Variants in SNF8 observed in about 807,000 individuals in gnomAD.
SNF8 encodes vacuolar-sorting protein SNF8.
SNF8 carries 19 observed loss-of-function variants against 36.8 expected under a neutral mutation model. That is an observed-to-expected ratio of 0.52 (90% CI 0.36 to 0.76). The LOEUF (loss-of-function observed/expected upper bound fraction) is 0.76. SNF8 is among the 30% of genes least tolerant of loss of function. The pLI, the probability that SNF8 is intolerant of heterozygous loss-of-function variation, is 0.00. For missense variants in SNF8, 268 were observed against 322.9 expected, an observed-to-expected ratio of 0.83 and a Z score of 1.30; for synonymous variants, 127 against 127.4, an observed-to-expected ratio of 1.00 and a Z score of 0.02.
rs755759210 is a variant in SNF8, at chr17:48,931,664, G to T, written c.618C>A (p.Thr206=). ...SEIKASLKWE[T]ERARQVLEHL... is the part of the protein sequence containing the mutation. ...ATACCAGCACTTGCCGCGCTCGCTC[G>T]GTCTCCCATTTAAGACTGGCTTTGA... Residue 206 remains threonine (T), a synonymous_variant, in exon 7 of 8, where the codon ACC becomes ACA. Transcript: ENST00000502492. The T allele has an allele frequency of 6.2e-7, 1 of 1,613,228 alleles. No homozygotes were observed. Among genetic ancestry groups the T allele is most frequent in the Non-Finnish European group, 8.5e-7 (1 of 1,179,622 alleles).
chr17:48,934,465 C>T, intron 5 of SNF8: 1 of 219,120 alleles, frequency 4.6e-6, no homozygotes, highest in Non-Finnish European at 9.4e-6. Context: ...TAGCAGGGCG[C>T]CAGTGGCAGG....
In SNF8 at chr17:48,944,619, C is replaced by T. The variant is rs200148743; in HGVS notation, c.54+62G>A. On this transcript the variant is annotated intron_variant, in intron 1 of 7. Coordinates refer to ENST00000502492, the MANE Select transcript of SNF8 (RefSeq NM_007241.4). Reference sequence around the variant, plus strand: ...GTGATTAACGGGTAGGACACTGCTCCGGGACAATTCAGTCTCGCACGGGTC... The same window carrying T: ...GTGATTAACGGGTAGGACACTGCTCTGGGACAATTCAGTCTCGCACGGGTC... The T allele has an allele frequency of 2.7e-5, 42 of 1,557,744 alleles. 1 individual carries two copies. In the South Asian group the frequency reaches 3.6e-4, roughly 13 times the overall value.
intron 5 of SNF8, 146 bp downstream of exon 5, chr17:48,936,024 G>GTTTTGT (rs1555583172): frequency 3.3e-6 from 2 of 603,728 alleles, no homozygotes; most frequent in East Asian, 3.0e-5. Context: ...TTTTTTGTTT[G>GTTTTGT]TTTTTTGTTT....
At chr17:48,938,612 G>A (rs907542415) in intron 3 of SNF8, among the ~76,000 whole-genome samples, 1 of 152,148 alleles carries the variant, frequency 6.6e-6, no homozygotes, top group African/African-American at 2.4e-5. Context: ...GCTCACGCCT[G>A]TAATCCCAGC....
intron 5 of SNF8, 160 bp from the exon 6 acceptor site, chr17:48,933,506 C>G: frequency 1.3e-6 from 1 of 758,492 alleles, no homozygotes. Flanking sequence ...TTTGGGATGC[C>G]CACATTGAGA....
Position 48,931,660 on chromosome 17 carries a change from G to C in SNF8, c.622C>G (p.Arg208Gly). Residue 208 changes from arginine to glycine, a missense_variant, in exon 7 of 8, where the codon CGA becomes GGA. Physicochemically the swap from Arg to Gly is moderately radical, Grantham distance 125. Transcript: ENST00000502492. ...IKASLKWETE[R>G]ARQVLEHLLK... ...TTGCATACCAGCACTTGCCGCGCTC[G>C]CTCGGTCTCCCATTTAAGACTGGCT... The C allele has an allele frequency of 6.2e-7, 1 of 1,613,068 alleles. No homozygotes were observed. Among genetic ancestry groups the C allele is most frequent in the Non-Finnish European group, 8.5e-7 (1 of 1,179,516 alleles).
Position 48,930,558 on chromosome 17 carries a change from C to T in SNF8, c.694G>A (p.Ala232Thr), listed in dbSNP as rs779295248. 20 of 1,613,642 alleles carry T rather than the reference C, an allele frequency of 1.2e-5. No individual in the cohort carries two copies. The highest frequency in any genetic ancestry group is 1.8e-4 in the Middle Eastern group (1 of 5,698). Residue 232 changes from alanine (A) to threonine (T), a missense_variant, in exon 8 of 8, where the codon GCC (alanine) becomes ACC (threonine). Coordinates refer to ENST00000502492, the MANE Select transcript of SNF8 (RefSeq NM_007241.4). Reference protein sequence around the residue: ...AWLDLQAPGEAHYWLPALFTD... With the variant: ...AWLDLQAPGETHYWLPALFTD... Reference sequence around the variant, plus strand: ...AAGAGAGCTGGCAGCCAGTAGTGGGCCTCCCCTGGGGCCTGTAAGTCCAGC... The same window carrying T: ...AAGAGAGCTGGCAGCCAGTAGTGGGTCTCCCCTGGGGCCTGTAAGTCCAGC...
Position 48,930,372 on chromosome 17 carries a change from A to T in SNF8, c.*103T>A. On this transcript the variant is annotated 3_prime_UTR_variant, in exon 8 of 8. Transcript: ENST00000502492. ...TAAAAGAATGAGGGAAGAAAGAAAA[A>T]CTTGGAACTTTTTTTCTATTTTTTG... The T allele has an allele frequency of 7.8e-7, 1 of 1,279,532 alleles. No individual in the cohort carries two copies. 79.3% of individuals were successfully genotyped at this position (1,279,532 alleles called of 1,614,324 possible).
rs2040827339 is a variant in SNF8, at chr17:48,929,612, G to A, written c.*863C>T. On this transcript the variant is annotated 3_prime_UTR_variant, in exon 8 of 8. Coordinates refer to ENST00000502492, the MANE Select transcript of SNF8 (RefSeq NM_007241.4). ...GTGTGTAGAAAAATGTCTACACACAGTATGTGCTGCCATTCTGTACTATGC... is the reference window on the plus strand; with the variant it reads ...GTGTGTAGAAAAATGTCTACACACAATATGTGCTGCCATTCTGTACTATGC... 1 of 152,152 alleles carries A rather than the reference G, an allele frequency of 6.6e-6. No individual in the cohort carries two copies. The highest frequency in any genetic ancestry group is 2.1e-4 in the South Asian group (1 of 4,832). The allele number at this position is 152,152 out of a possible 1,614,324, so 9.4% of individuals were successfully genotyped here. A position where few individuals can be genotyped will look rare whatever the true frequency, so the allele number is the denominator to read the frequency against.
At chr17:48,931,341 A>T (rs1444257331) in intron 7 of SNF8, among the ~76,000 whole-genome samples, 1 of 152,240 alleles carries the variant, frequency 6.6e-6, no homozygotes, top group Non-Finnish European at 1.5e-5. Flanking sequence ...TTCCAGTACA[A>T]ACTACATTAA....
chr17:48,943,380 G>C (rs1252859810), intron 2 of SNF8, among the ~76,000 whole-genome samples: 1 of 152,176 alleles, frequency 6.6e-6, no homozygotes, highest in Non-Finnish European at 1.5e-5. Context: ...GGAAGCCAAG[G>C]TGGGCGGATC....
chr17:48,938,123 T>G (rs889356137), intron 3 of SNF8, among the ~76,000 whole-genome samples: 1 of 152,000 alleles, frequency 6.6e-6, no homozygotes, highest in Non-Finnish European at 1.5e-5. Context: ...AAAAATCCAC[T>G]GAATGTTCTG....
rs1191272540 is a variant in SNF8 at position 48,930,530 on chromosome 17, G to A, written c.722C>T (p.Thr241Ile). 14 of 1,612,814 alleles carry A rather than the reference G, an allele frequency of 8.7e-6. No individual in the cohort carries two copies. Among genetic ancestry groups the A allele is most frequent in the Non-Finnish European group, 1.2e-5 (14 of 1,179,932 alleles). ...TGTAATCTCCTGGGAGTAGAGGTCA[G>A]TGAAGAGAGCTGGCAGCCAGTAGTG... is the stretch of plus-strand genomic sequence containing the variant. ...EAHYWLPALFTDLYSQEITAE... is the reference protein window; with the variant it reads ...EAHYWLPALFIDLYSQEITAE... Residue 241 changes from threonine (T) to isoleucine (I), a missense_variant, in exon 8 of 8, where the codon ACT (threonine) becomes ATT (isoleucine). Physicochemically the swap from Thr to Ile is moderately conservative, Grantham distance 89 (BLOSUM62 -1). Coordinates refer to ENST00000502492, the MANE Select transcript of SNF8 (RefSeq NM_007241.4).
rs2041066575 is a variant in SNF8 at position 48,943,914 on chromosome 17, A to T, written c.105+11T>A. 6.2e-7 allele frequency: 1 copy of T among 1,613,868 alleles called. No homozygotes were observed. The highest frequency in any genetic ancestry group is 2.2e-5 in the East Asian group (1 of 44,880). ...TCTCCCTCCCTGCCTGGGGCCCCCC[A>T]ACCGACTTACCTGGGCTAGCTGGTC... On this transcript the variant is annotated intron_variant, in intron 2 of 7. Transcript: ENST00000502492.
In SNF8 at chr17:48,937,140, A is replaced by G. The variant is rs754748926; in HGVS notation, c.245-16T>C. On this transcript the variant is annotated splice_polypyrimidine_tract_variant and intron_variant, in intron 3 of 7. Coordinates refer to ENST00000502492, the MANE Select transcript of SNF8 (RefSeq NM_007241.4). ...CCTTTTCCAGCTACAAGACAGAAAA[A>G]CAAAATCTCGGTTATTGATTAATTT... is the stretch of plus-strand genomic sequence containing the variant. The G allele has an allele frequency of 2.5e-6, 4 of 1,574,848 alleles. No individual in the cohort carries two copies. The African/African-American group carries it at 4.0e-5, about 16-fold the overall frequency.
At position 48,937,570 on chromosome 17, in the gene SNF8, C is replaced by T. The variant is rs548282404; in HGVS notation, c.245-446G>A. Among the ~76,000 whole-genome samples the T allele has an allele frequency of 4.0e-5, 6 of 150,348 alleles. No homozygotes were observed. In the South Asian group the frequency reaches 1.3e-3, roughly 31 times the overall value. On this transcript the variant is annotated intron_variant, in intron 3 of 7. Transcript: ENST00000502492. Reference sequence around the variant, plus strand: ...GCTGGAACCCAGGAGGCAGAAGTTGCAGTGAGCCAAGATCGCGCCACCATA... The same window carrying T: ...GCTGGAACCCAGGAGGCAGAAGTTGTAGTGAGCCAAGATCGCGCCACCATA...
intron 5 of SNF8, among the ~76,000 whole-genome samples, chr17:48,933,896 G>C (rs2040897126): frequency 6.6e-6 from 1 of 152,220 alleles, no homozygotes; most frequent in Non-Finnish European, 1.5e-5. Flanking sequence ...AGATACACCT[G>C]CAGATGCCCA....
chr17:48,933,115 G>C, intron 6 of SNF8, 90 bp downstream of exon 6: 2 of 1,437,440 alleles, frequency 1.4e-6, no homozygotes, highest in Admixed American at 1.8e-5. Context: ...CAAAAGACCT[G>C]CATAATGGGG....
In SNF8 at chr17:48,929,681, CCAGCTT is replaced by C. The variant is rs2040828517; in HGVS notation, c.*788_*793del. ...GGGCTCGGGTTAATAGGCCTAGGCACCAGCTTTAGCTCGGCTGAAGCTGGCGGCCCC... is the reference window on the plus strand; with the variant it reads ...GGGCTCGGGTTAATAGGCCTAGGCACTAGCTCGGCTGAAGCTGGCGGCCCC... On this transcript the variant is annotated 3_prime_UTR_variant, in exon 8 of 8. Coordinates refer to ENST00000502492, the MANE Select transcript of SNF8 (RefSeq NM_007241.4). 1 of 152,180 alleles carries C rather than the reference CCAGCTT, an allele frequency of 6.6e-6. No individual in the cohort carries two copies. Among genetic ancestry groups the C allele is most frequent in the Non-Finnish European group, 1.5e-5 (1 of 68,042 alleles). The allele number at this position is 152,180 out of a possible 1,614,324, so 9.4% of individuals were successfully genotyped here. A position where few individuals can be genotyped will look rare whatever the true frequency, so the allele number is the denominator to read the frequency against.
Sources: allele counts gnomAD v4.1 joint callset (sites outside exome capture counted in the v4.1 genomes callset), GRCh38; gene constraint gnomAD v4.1.1; transcripts MANE v1.5; gene names NCBI Gene and HGNC (gene_info 2026-07-23, HGNC 2026-07-21).